The following PTPRO variants were observed in gnomAD, a reference collection of about 807,000 sequenced individuals.
PTPRO encodes receptor-type tyrosine-protein phosphatase O.
PTPRO carries 62 observed loss-of-function variants against 145.2 expected under a neutral mutation model. The ratio of observed to expected loss-of-function variants is 0.43; its 90% CI spans 0.35 to 0.53. The LOEUF is 0.53. Among genes scored for constraint, PTPRO ranks in the 20% least tolerant of loss-of-function variants. The probability of loss-of-function intolerance (pLI) is 0.01; values close to 1 mark genes in which losing one functional copy is unlikely to be tolerated. For synonymous variants in PTPRO, 565 were observed against 514.7 expected (o/e 1.10, Z -1.32); for missense variants, 1,345 against 1,482.7 (o/e 0.91, Z 1.53).
chr12:15,547,614 T>C (rs1050315864), intron 13 of PTPRO, among the ~76,000 whole-genome samples: 1 of 152,210 alleles, frequency 6.6e-6, no homozygotes, highest in South Asian at 2.1e-4. Context: ...AATGTATCTC[T>C]TGTTGATTTG....
chr12:15,537,999 C>T (rs1238059245), intron 12 of PTPRO, among the ~76,000 whole-genome samples: 1 of 152,136 alleles, frequency 6.6e-6, no homozygotes. Context: ...TTTAGGTTTG[C>T]AGGGGGCAAT....
At chr12:15,440,202 G>A (rs1053400110) in intron 1 of PTPRO, 3 of 668,830 alleles carry the variant, frequency 4.5e-6, no homozygotes, top group Non-Finnish European at 7.8e-6. Context: ...ACCTTAGCCA[G>A]GGGCTGCACT....
intron 1 of PTPRO, among the ~76,000 whole-genome samples, chr12:15,426,750 G>A (rs998033085): frequency 6.6e-6 from 1 of 151,972 alleles, no homozygotes; most frequent in Admixed American, 6.6e-5. Context: ...ACCTAAATGT[G>A]TATAGATTTG....
chr12:15,595,561 T>A (rs995196913), intron 26 of PTPRO: 115 of 164,618 alleles, frequency 7.0e-4, no homozygotes, highest in Non-Finnish European at 3.1e-4. Context: ...GAGCCCTTAC[T>A]TGAGAGCTTC....
rs2417439 is a variant in PTPRO, at chr12:15,501,455, T to C, written c.662-165T>C. Among the ~76,000 whole-genome samples the C allele has an allele frequency of 0.96, 146,366 of 152,242 alleles. 70,418 individuals are homozygous for C. Among genetic ancestry groups the C allele is most frequent in the Middle Eastern group, 1 (292 of 292 alleles). ...CCACAAAATGTTAGAAGTATGTATA[T>C]GGAAAAAAACACAGCTTATCTTGAT... On this transcript the variant is annotated intron_variant, in intron 4 of 26. Coordinates refer to ENST00000281171, the MANE Select transcript of PTPRO (RefSeq NM_030667.3).
intron 1 of PTPRO, among the ~76,000 whole-genome samples, chr12:15,382,947 C>T (rs190390232): frequency 5.5e-4 from 84 of 152,318 alleles, no homozygotes; most frequent in African/African-American, 1.9e-3. Context: ...ACTGCACACA[C>T]TTATCATTTC....
chr12:15,455,064 G>A (rs1941140707), intron 1 of PTPRO, among the ~76,000 whole-genome samples: 1 of 152,042 alleles, frequency 6.6e-6, no homozygotes, highest in African/African-American at 2.4e-5. Context: ...ATCCTATGTG[G>A]TTCCATATTA....
intron 1 of PTPRO, among the ~76,000 whole-genome samples, chr12:15,332,550 T>C (rs896840500): frequency 2.6e-5 from 4 of 152,258 alleles, no homozygotes; most frequent in Admixed American, 2.6e-4. Flanking sequence ...AACATCATTT[T>C]CCAATGTAAT....
intron 1 of PTPRO, among the ~76,000 whole-genome samples, chr12:15,439,265 T>A (rs566780500): frequency 5.3e-4 from 81 of 152,294 alleles, no homozygotes; most frequent in African/African-American, 1.8e-3. Context: ...AGAGAGATCC[T>A]TAAGGGAGTT....
chr12:15,413,967 TTAAG>T (rs1263223245), intron 1 of PTPRO, among the ~76,000 whole-genome samples: 1 of 152,202 alleles, frequency 6.6e-6, no homozygotes, highest in Non-Finnish European at 1.5e-5. Context: ...AAACTGAAGT[TTAAG>T]TGTCAATATG....
At chr12:15,592,350 C>T (rs1431846251) in intron 25 of PTPRO, among the ~76,000 whole-genome samples, 1 of 152,182 alleles carries the variant, frequency 6.6e-6, no homozygotes, top group Non-Finnish European at 1.5e-5. Flanking sequence ...TGAAATGGTT[C>T]TCCACTTGAG....
At chr12:15,380,729 C>A (rs528449159) in intron 1 of PTPRO, among the ~76,000 whole-genome samples, 4 of 152,188 alleles carry the variant, frequency 2.6e-5, no homozygotes, top group Admixed American at 2.0e-4. Context: ...AATACGTAAC[C>A]TCTACTGCAC....
Position 15,557,491 on chromosome 12 carries a change from C to T in PTPRO, c.2595C>T (p.Ser865=), listed in dbSNP as rs569333096. Residue 865 remains serine, a synonymous_variant, in exon 16 of 27, where the codon TCC becomes TCT. Transcript: ENST00000281171. ...CTGGTACATTTGTCAATTTTGCATC[C>T]TTAGAGAGGGATGGAAAGCTTCCAT... ...CGAGTFVNFA[S]LERDGKLPYN... is the part of the protein sequence containing the mutation. 1.5e-5 allele frequency: 24 copies of T among 1,613,830 alleles called. No homozygotes were observed. The South Asian group carries it at 2.3e-4, about 16-fold the overall frequency.
intron 19 of PTPRO, among the ~76,000 whole-genome samples, chr12:15,573,322 G>A (rs763032570): frequency 6.6e-6 from 1 of 152,072 alleles, no homozygotes; most frequent in African/African-American, 2.4e-5. Flanking sequence ...GCCACATTAC[G>A]TAGCATAATC....
chr12:15,347,849 T>C (rs749102082), intron 1 of PTPRO, among the ~76,000 whole-genome samples: 10 of 152,116 alleles, frequency 6.6e-5, no homozygotes, highest in Non-Finnish European at 1.5e-4. Context: ...AAATAACACT[T>C]ATGAAAAGTT....
At position 15,569,514 on chromosome 12, in the gene PTPRO, C is replaced by CAGG. The variant is rs1383315110; in HGVS notation, c.2829+17_2829+18insGGA. 6.3e-7 allele frequency: 1 copy of CAGG among 1,587,950 alleles called. No homozygotes were observed. ...TCAGTTTGAGGTGAGTTGGTTAAGG[C>CAGG]ATTTTCTACCTTCTGTAATGGAAAG... On this transcript the variant is annotated intron_variant, in intron 19 of 26. Coordinates refer to ENST00000281171, the MANE Select transcript of PTPRO (RefSeq NM_030667.3).
chr12:15,565,760 C>A, intron 18 of PTPRO, 132 bp downstream of exon 18: 1 of 670,622 alleles, frequency 1.5e-6, no homozygotes, highest in Non-Finnish European at 2.7e-6. Context: ...AATAGCTAAG[C>A]ACAATAATGT....
At chr12:15,468,592 G>A (rs189545426) in intron 1 of PTPRO, among the ~76,000 whole-genome samples, 1 of 152,166 alleles carries the variant, frequency 6.6e-6, no homozygotes, top group African/African-American at 2.4e-5. Context: ...CCTGCTAGGA[G>A]CTCCTTGATC....
chr12:15,559,576 G>T (rs1294948525), intron 16 of PTPRO, among the ~76,000 whole-genome samples: 1 of 152,098 alleles, frequency 6.6e-6, no homozygotes, highest in Non-Finnish European at 1.5e-5. Context: ...AGTAGTTGAT[G>T]AGCTACTTAT....
Sources: allele counts gnomAD v4.1 joint callset (sites outside exome capture counted in the v4.1 genomes callset), GRCh38; gene constraint gnomAD v4.1.1; transcripts MANE v1.5; gene names NCBI Gene and HGNC (gene_info 2026-07-23, HGNC 2026-07-21).